SPOCD1: variants seen among roughly 807,000 people sequenced by gnomAD.
The protein encoded by SPOCD1 is SPOC domain-containing protein 1.
In SPOCD1, 64 loss-of-function variants were observed where a neutral mutation model predicts 92.2. That is an observed-to-expected ratio of 0.69 (90% CI 0.57 to 0.86). SPOCD1 has a LOEUF of 0.86. Among genes scored for constraint, SPOCD1 ranks in the 40% least tolerant of loss-of-function variants. The pLI, the probability that SPOCD1 is intolerant of heterozygous loss-of-function variation, is 0.00. For missense variants in SPOCD1, 1,360 were observed against 1,543.1 expected (o/e 0.88, Z 1.99); for synonymous variants, 578 against 619.3 (o/e 0.93, Z 0.99).
At position 31,796,244 on chromosome 1, in the gene SPOCD1, A is replaced by G. The variant is rs192257171; in HGVS notation, c.2271+346T>C. On this transcript the variant is annotated intron_variant, in intron 10 of 15. Transcript: ENST00000360482. ...TTCGTTCCTTCCATCTGAAAAAGTC[A>G]CTGCCTGGAACAGCGCAGCCTGCTG... is the stretch of plus-strand genomic sequence containing the variant. 1,754 of 383,300 alleles carry G rather than the reference A, an allele frequency of 4.6e-3. 15 individuals are homozygous for G. The highest frequency in any genetic ancestry group is 0.015 in the Middle Eastern group (17 of 1,172). 23.7% of individuals were successfully genotyped at this position (383,300 alleles called of 1,614,324 possible). A position where few individuals can be genotyped will look rare whatever the true frequency, so the allele number is the denominator to read the frequency against.
chr1:31,795,761 C>T (rs1557818123), intron 10 of SPOCD1: 1 of 152,186 alleles, frequency 6.6e-6, no homozygotes, highest in Non-Finnish European at 1.5e-5. Flanking sequence ...GTGCCTGGCA[C>T]CTGGTAGGTG....
chr1:31,792,631 G>C, intron 14 of SPOCD1, 47 bp downstream of exon 14: 1 of 1,449,622 alleles, frequency 6.9e-7, no homozygotes, highest in Non-Finnish European at 9.4e-7. Flanking sequence ...AGGGAGGTGG[G>C]AGTAAGGTAC....
intron 3 of SPOCD1, 132 bp downstream of exon 3, chr1:31,801,532 C>A: frequency 1.4e-6 from 1 of 726,792 alleles, no homozygotes. Context: ...GGGAGGGGAG[C>A]ACTAGGATCC....
intron 10 of SPOCD1, chr1:31,794,501 C>CTTTTTT (rs869084604): frequency 6.5e-5 from 5 of 76,898 alleles, no homozygotes; most frequent in African/African-American, 1.3e-4. Context: ...TTTTTCTTTT[C>CTTTTTT]TTTTTTTTTT....
At chr1:31,813,350 C>T (rs188512715) in intron 2 of SPOCD1, among the ~76,000 whole-genome samples, 22 of 152,356 alleles carry the variant, frequency 1.4e-4, no homozygotes, top group Non-Finnish European at 2.2e-4. Context: ...TCACTGCAAC[C>T]TCTGCTTCCC....
At chr1:31,811,654 A>C (rs1428420277) in intron 2 of SPOCD1, among the ~76,000 whole-genome samples, 2 of 152,106 alleles carry the variant, frequency 1.3e-5, no homozygotes, top group African/African-American at 2.4e-5. Flanking sequence ...TAAGGCCCTA[A>C]ACGGGGCTCC....
intron 3 of SPOCD1, among the ~76,000 whole-genome samples, chr1:31,801,295 G>C (rs540755618): frequency 3.1e-4 from 47 of 152,230 alleles, no homozygotes; most frequent in Non-Finnish European, 6.2e-4. Context: ...TTGGTAGAGA[G>C]CAAGGTGTTG....
chr1:31,793,969 C>G (rs1457342547), intron 11 of SPOCD1, 72 bp from the exon 12 acceptor site: 1 of 1,557,038 alleles, frequency 6.4e-7, no homozygotes, highest in Non-Finnish European at 8.7e-7. Flanking sequence ...GCTTTAGAGC[C>G]AGGGTTGAAC....
chr1:31,791,158 CT>C lies in SPOCD1; in HGVS notation c.3095del (p.Lys1032ArgfsTer28). 1 of 1,612,906 alleles carries C rather than the reference CT, an allele frequency of 6.2e-7. No homozygotes were observed. Among genetic ancestry groups the C allele is most frequent in the Non-Finnish European group, 8.5e-7 (1 of 1,179,640 alleles). ...TGTTGAAGGAGACCATCTTTTGAAC[CT>C]TCCCCAACCAGGGGCTGGACCCTGC... Reference protein sequence around the residue: ...DTAGSSPWLGKVQKMVSFNSK... With the variant: ...DTAGSSPWLGXVQKMVSFNSK... On this transcript the variant is annotated frameshift_variant, in exon 16 of 16. Transcript: ENST00000360482. LOFTEE classifies it low-confidence loss of function (END_TRUNC).
At chr1:31,804,109 C>T (rs79106662) in intron 2 of SPOCD1, among the ~76,000 whole-genome samples, 3,761 of 152,258 alleles carry the variant, frequency 0.025, 66 homozygotes, top group Non-Finnish European at 0.039. Flanking sequence ...GATCCTTACA[C>T]GCATAAAGAG....
In SPOCD1 at chr1:31,796,696, T is replaced by C; in HGVS notation, c.2165A>G (p.Gln722Arg). 6.2e-7 allele frequency: 1 copy of C among 1,614,248 alleles called. No individual in the cohort carries two copies. The change falls in exon 10 of 16, where the codon CAG becomes CGG. Residue 722 changes from glutamine (Q) to arginine (R), a missense_variant. Physicochemically the swap from Gln to Arg is conservative, Grantham distance 43 (BLOSUM62 1). This residue lies in a region of SPOCD1 where 614 missense variants were observed against 757.8 expected (regional missense o/e 0.81). Transcript: ENST00000360482. ...EEKRGLNIIE[Q>R]QQKEPCRLPA... ...AAGTCTGCACGGCTCCTTCTGTTGC[T>C]GCTCAATGATATTCAGGCCCTGAAG... is the stretch of plus-strand genomic sequence containing the variant.
At chr1:31,793,142 G>T in intron 13 of SPOCD1, 136 bp downstream of exon 13, 1 of 1,129,360 alleles carries the variant, frequency 8.9e-7, no homozygotes, top group Non-Finnish European at 1.2e-6. Flanking sequence ...TTGCCCCCAT[G>T]CCCTGCACAG....
At chr1:31,799,975 C>T (rs1648322751) in intron 5 of SPOCD1, 41 bp downstream of exon 5, 8 of 1,611,010 alleles carry the variant, frequency 5.0e-6, no homozygotes, top group Non-Finnish European at 5.9e-6. Context: ...CTGACCCATG[C>T]TCCAGTGAAG....
chr1:31,802,062 G>T (rs867753884), intron 2 of SPOCD1, among the ~76,000 whole-genome samples: 4 of 152,292 alleles, frequency 2.6e-5, no homozygotes, highest in Non-Finnish European at 2.9e-5. Flanking sequence ...CAGCTACTCG[G>T]GAGGCTGAGG....
At chr1:31,803,327 T>C (rs1359747913) in intron 2 of SPOCD1, among the ~76,000 whole-genome samples, 1 of 151,746 alleles carries the variant, frequency 6.6e-6, no homozygotes, top group Non-Finnish European at 1.5e-5. Flanking sequence ...TATAACGATC[T>C]TAATTAAAAT....
rs1648232301 is a variant in SPOCD1, at chr1:31,798,974, G to A, written c.1869-373C>T. 1.9e-5 allele frequency: 10 copies of A among 535,468 alleles called. No homozygotes were observed. The highest frequency in any genetic ancestry group is 2.9e-5 in the Non-Finnish European group (9 of 305,230). 33.2% of individuals were successfully genotyped at this position (535,468 alleles called of 1,614,324 possible). A position where few individuals can be genotyped will look rare whatever the true frequency, so the allele number is the denominator to read the frequency against. On this transcript the variant is annotated intron_variant, in intron 7 of 15. Transcript: ENST00000360482. The surrounding 1 kb of genome is among the most constrained non-coding windows in gnomAD (Gnocchi z 4.1). ...CAGAGTAAGGCAGGAGTCAGGGGGA[G>A]AGAATGGAGCCCTGGCCCTCGGTGT...
intron 2 of SPOCD1, among the ~76,000 whole-genome samples, chr1:31,803,153 C>A (rs748623943): frequency 6.6e-6 from 1 of 151,924 alleles, no homozygotes; most frequent in Non-Finnish European, 1.5e-5. Context: ...ATGAGCGAAG[C>A]CTTTCAACAC....
In SPOCD1 at chr1:31,798,395, T is replaced by A. The variant is rs986368869; in HGVS notation, c.2028+47A>T. ...CCCCACCCTAGCATCCTGCAGGGGCTCTGAGATTCAGAGAGGGGACGCAGC... is the reference window on the plus strand; with the variant it reads ...CCCCACCCTAGCATCCTGCAGGGGCACTGAGATTCAGAGAGGGGACGCAGC... On this transcript the variant is annotated intron_variant, in intron 8 of 15. Coordinates refer to ENST00000360482, the MANE Select transcript of SPOCD1 (RefSeq NM_144569.7). The surrounding 1 kb of genome is among the most constrained non-coding windows in gnomAD (Gnocchi z 4.1). 9 of 1,591,512 alleles carry A rather than the reference T, an allele frequency of 5.7e-6. No individual in the cohort carries two copies. The highest frequency in any genetic ancestry group is 7.7e-6 in the Non-Finnish European group (9 of 1,167,100).
intron 2 of SPOCD1, among the ~76,000 whole-genome samples, chr1:31,803,599 G>T (rs945944825): frequency 4.0e-5 from 6 of 151,796 alleles, no homozygotes; most frequent in Non-Finnish European, 8.8e-5. Context: ...AAAATAGCCA[G>T]GCATGGTGGT....
Sources: gnomAD v4.1 joint callset for allele counts (sites outside exome capture counted in the v4.1 genomes callset) on GRCh38, gnomAD v4.1.1 for gene constraint, gnomAD v4.1.1 regional missense constraint, Gnocchi (gnomAD v3.1) non-coding constraint, MANE v1.5 for transcripts, NCBI Gene and HGNC (gene_info 2026-07-23, HGNC 2026-07-21) for gene names.